MAGI2: variants seen among roughly 807,000 people sequenced by gnomAD.
MAGI2 encodes the protein membrane-associated guanylate kinase, WW and PDZ domain-containing protein 2.
Under a neutral mutation model 133.3 loss-of-function variants are expected in MAGI2, and 35 were observed. The ratio of observed to expected loss-of-function variants is 0.26; its 90% CI spans 0.20 to 0.35. The LOEUF (loss-of-function observed/expected upper bound fraction) is 0.35. Ranked by LOEUF, MAGI2 falls within the 10% of genes least tolerant of loss-of-function variation. The pLI is 1.00. For synonymous variants in MAGI2, 729 were observed against 710.6 expected (o/e 1.03, Z -0.41); for missense variants, 1,636 against 1,863.4 (o/e 0.88, Z 2.25).
At chr7:79,170,137 C>CTTTTTTTTTTTTTT (rs10539344) in intron 1 of MAGI2, among the ~76,000 whole-genome samples, 13 of 42,950 alleles carry the variant, frequency 3.0e-4, no homozygotes, top group African/African-American at 1.0e-3. Flanking sequence ...AGATATTATA[C>CTTTTTTTTTTTTTT]TTTTTTTTTT....
chr7:78,842,503 A>G (rs1452231430), intron 2 of MAGI2, among the ~76,000 whole-genome samples: 1 of 151,994 alleles, frequency 6.6e-6, no homozygotes, highest in Admixed American at 6.6e-5. Context: ...CTAAAAATTA[A>G]CTTTTACATA....
intron 19 of MAGI2, 124 bp from the exon 20 acceptor site, chr7:78,125,961 G>A: frequency 9.7e-7 from 1 of 1,029,550 alleles, no homozygotes; most frequent in Non-Finnish European, 1.4e-6. Flanking sequence ...GATGTTGGGA[G>A]AAGTCGTAAT....
At chr7:78,756,187 G>A (rs1211838116) in intron 2 of MAGI2, among the ~76,000 whole-genome samples, 1 of 152,168 alleles carries the variant, frequency 6.6e-6, no homozygotes, top group Non-Finnish European at 1.5e-5. Context: ...CTGAAGGAGA[G>A]CACTGGCATG....
intron 21 of MAGI2, among the ~76,000 whole-genome samples, chr7:78,061,443 C>CACACACACAT (rs1813259991): frequency 7.2e-6 from 1 of 139,450 alleles, no homozygotes; most frequent in South Asian, 2.3e-4. Flanking sequence ...CACACACACA[C>CACACACACAT]ACACACACAC....
intron 6 of MAGI2, among the ~76,000 whole-genome samples, chr7:78,431,622 G>A (rs569669020): frequency 2.6e-5 from 4 of 152,194 alleles, no homozygotes; most frequent in African/African-American, 7.2e-5. Flanking sequence ...ATGGTAAATG[G>A]CAAAGTTGAT....
intron 2 of MAGI2, among the ~76,000 whole-genome samples, chr7:78,669,736 G>A (rs1327336294): frequency 3.3e-5 from 5 of 152,144 alleles, no homozygotes; most frequent in Non-Finnish European, 7.3e-5. Flanking sequence ...GATCAAGTGG[G>A]CTTTATCCCT....
chr7:78,461,916 C>CAAAAAAAAAAAAAAAAAAAAA lies in MAGI2; in HGVS notation c.1045+27824_1045+27844dup, dbSNP rs55811983. Among the ~76,000 whole-genome samples the CAAAAAAAAAAAAAAAAAAAAA allele has an allele frequency of 3.0e-3, 91 of 30,468 alleles. 1 individual carries two copies. The highest frequency in any genetic ancestry group is 4.7e-3 in the Non-Finnish European group (73 of 15,504). The allele number at this position is 30,468 out of a possible 152,430, so 20.0% of individuals were successfully genotyped here. A position where few individuals can be genotyped will look rare whatever the true frequency, so the allele number is the denominator to read the frequency against. ...ACAAGAGCAAAGCAAAATTCCGTCT[C>CAAAAAAAAAAAAAAAAAAAAA]AAAAAAAAAAAAAAAAAAAAAAAAA... On this transcript the variant is annotated intron_variant, in intron 6 of 21. Transcript: ENST00000354212.
chr7:78,484,288 T>A (rs1479755518), intron 6 of MAGI2: 1 of 152,018 alleles, frequency 6.6e-6, no homozygotes, highest in Non-Finnish European at 1.5e-5. Context: ...AAGCATGGCG[T>A]ATGCTGTCTT....
intron 3 of MAGI2, among the ~76,000 whole-genome samples, chr7:78,563,930 A>G (rs931681077): frequency 6.6e-6 from 1 of 152,230 alleles, no homozygotes; most frequent in Non-Finnish European, 1.5e-5. Flanking sequence ...CTTAAATTCT[A>G]TTTAATTTGA....
chr7:78,341,778 C>A (rs771976763), intron 9 of MAGI2, among the ~76,000 whole-genome samples: 1 of 152,076 alleles, frequency 6.6e-6, no homozygotes, highest in Non-Finnish European at 1.5e-5. Flanking sequence ...TGAAACTGGA[C>A]CCCTTCCTTA....
chr7:79,232,278 G>C (rs1191547927), intron 1 of MAGI2, among the ~76,000 whole-genome samples: 2 of 148,914 alleles, frequency 1.3e-5, no homozygotes, highest in African/African-American at 4.9e-5. Flanking sequence ...TCTCTGCCAG[G>C]CTTTGGTATC....
At chr7:78,132,299 G>T (rs1821641021) in intron 18 of MAGI2, among the ~76,000 whole-genome samples, 1 of 152,190 alleles carries the variant, frequency 6.6e-6, no homozygotes, top group African/African-American at 2.4e-5. Flanking sequence ...TGCTTAACCT[G>T]CATTCACCCT....
chr7:78,315,014 C>T (rs1161748854), intron 9 of MAGI2, among the ~76,000 whole-genome samples: 1 of 152,056 alleles, frequency 6.6e-6, no homozygotes, highest in African/African-American at 2.4e-5. Context: ...ACTGGCTAGA[C>T]CAATATTTGT....
intron 2 of MAGI2, among the ~76,000 whole-genome samples, chr7:78,804,267 G>A (rs1254495506): frequency 1.3e-5 from 2 of 152,006 alleles, no homozygotes; most frequent in African/African-American, 4.8e-5. Flanking sequence ...AGTATAAGTG[G>A]GGACAAGCTA....
intron 5 of MAGI2, among the ~76,000 whole-genome samples, chr7:78,497,210 C>T (rs1794169677): frequency 6.6e-6 from 1 of 152,126 alleles, no homozygotes; most frequent in Non-Finnish European, 1.5e-5. Flanking sequence ...CAGTATTATA[C>T]ATTTAAAAGT....
At chr7:79,118,643 G>T (rs867297806) in intron 1 of MAGI2, among the ~76,000 whole-genome samples, 1 of 152,070 alleles carries the variant, frequency 6.6e-6, no homozygotes, top group African/African-American at 2.4e-5. Context: ...ATTCCAAATT[G>T]TGCTGTTTAA....
intron 4 of MAGI2, among the ~76,000 whole-genome samples, chr7:78,520,543 A>AT (rs1220597609): frequency 6.6e-6 from 1 of 152,132 alleles, no homozygotes; most frequent in African/African-American, 2.4e-5. Flanking sequence ...CGGACCTTAG[A>AT]TTTTTTTAAT....
intron 2 of MAGI2, among the ~76,000 whole-genome samples, chr7:78,838,434 A>G (rs535401903): frequency 6.6e-6 from 1 of 151,980 alleles, no homozygotes; most frequent in East Asian, 1.9e-4. Flanking sequence ...CTACCAATTC[A>G]TTTATCCTAT....
chr7:78,760,110 C>T (rs1306193366), intron 2 of MAGI2, among the ~76,000 whole-genome samples: 10 of 125,216 alleles, frequency 8.0e-5, no homozygotes, highest in African/African-American at 2.2e-4. Context: ...AGCGAGACTC[C>T]GTCTCAAAAA....
Sources: gnomAD v4.1 joint callset for allele counts (sites outside exome capture counted in the v4.1 genomes callset) on GRCh38, gnomAD v4.1.1 for gene constraint, MANE v1.5 for transcripts, NCBI Gene and HGNC (gene_info 2026-07-23, HGNC 2026-07-21) for gene names.